The following CSMD1 variants were observed in gnomAD, a reference collection of about 807,000 sequenced individuals.
The protein encoded by CSMD1 is CUB and Sushi multiple domains 1.
CSMD1 carries 213 observed loss-of-function variants against 417.5 expected under a neutral mutation model. That is an observed-to-expected ratio of 0.51 (90% CI 0.46 to 0.57). The LOEUF (loss-of-function observed/expected upper bound fraction) is 0.57. Among genes scored for constraint, CSMD1 ranks in the 20% least tolerant of loss-of-function variants. The pLI is 0.00. For synonymous variants in CSMD1, 2,862 were observed against 1,736.8 expected (o/e 1.65, Z -16.11); for missense variants, 6,923 against 4,529.7 (o/e 1.53, Z -15.17).
intron 33 of CSMD1, among the ~76,000 whole-genome samples, chr8:3,195,004 G>T (rs1273018812): frequency 6.6e-6 from 1 of 152,130 alleles, no homozygotes; most frequent in Non-Finnish European, 1.5e-5. Context: ...TAGAAATATG[G>T]TTTCCTTTTC....
At chr8:3,210,312 C>T (rs542123185) in intron 30 of CSMD1, among the ~76,000 whole-genome samples, 2 of 151,950 alleles carry the variant, frequency 1.3e-5, no homozygotes, top group African/African-American at 2.4e-5. Context: ...GTGTTTCATG[C>T]GCTGTGCTCT....
chr8:4,421,904 AGACT>A (rs912984842), intron 2 of CSMD1, among the ~76,000 whole-genome samples: 1 of 152,124 alleles, frequency 6.6e-6, no homozygotes, highest in Non-Finnish European at 1.5e-5. Context: ...AAATTGAAAA[AGACT>A]GACTAAATAA....
At chr8:3,833,062 T>C (rs1802464465) in intron 5 of CSMD1, among the ~76,000 whole-genome samples, 1 of 152,206 alleles carries the variant, frequency 6.6e-6, no homozygotes, top group Non-Finnish European at 1.5e-5. Flanking sequence ...TCATGGCAGC[T>C]GTTTGAATGT....
chr8:3,817,429 C>T (rs1013241327), intron 5 of CSMD1, among the ~76,000 whole-genome samples: 7 of 151,558 alleles, frequency 4.6e-5, no homozygotes, highest in East Asian at 2.0e-4. Flanking sequence ...TATAGGCGTG[C>T]GCCAACATTC....
At chr8:3,706,576 A>C (rs1458880259) in intron 7 of CSMD1, among the ~76,000 whole-genome samples, 1 of 152,326 alleles carries the variant, frequency 6.6e-6, no homozygotes, top group East Asian at 1.9e-4. Context: ...TGTTCAGATG[A>C]GGACAGAAGA....
chr8:4,093,567 A>G (rs12681816), intron 3 of CSMD1, among the ~76,000 whole-genome samples: 18,619 of 152,238 alleles, frequency 0.12, 1,414 homozygotes, highest in South Asian at 0.33. Flanking sequence ...AGAACACCAC[A>G]TTGAAAAAAA....
intron 3 of CSMD1, among the ~76,000 whole-genome samples, chr8:4,392,641 G>T (rs1319260259): frequency 2.0e-5 from 3 of 151,552 alleles, no homozygotes; most frequent in Non-Finnish European, 4.4e-5. Flanking sequence ...TTTTTTGGGG[G>T]GGAGGGTTAT....
At chr8:3,417,295 C>G (rs770670329) in intron 12 of CSMD1, among the ~76,000 whole-genome samples, 6 of 152,208 alleles carry the variant, frequency 3.9e-5, no homozygotes, top group Non-Finnish European at 8.8e-5. Flanking sequence ...AGAAAACACT[C>G]TGCTGTAGCT....
chr8:3,772,021 G>A (rs1454320627), intron 5 of CSMD1, among the ~76,000 whole-genome samples: 3 of 151,732 alleles, frequency 2.0e-5, no homozygotes, highest in Non-Finnish European at 4.4e-5. Flanking sequence ...CCTTTGAAAT[G>A]GATCTAAAGA....
intron 50 of CSMD1, among the ~76,000 whole-genome samples, chr8:3,048,337 C>A (rs1224079063): frequency 1.3e-5 from 2 of 151,702 alleles, no homozygotes; most frequent in Non-Finnish European, 2.9e-5. Context: ...CTGTCGTAGC[C>A]AAATAAAACG....
intron 42 of CSMD1, among the ~76,000 whole-genome samples, chr8:3,111,357 G>A (rs1816504814): frequency 1.7e-5 from 2 of 114,760 alleles, no homozygotes; most frequent in South Asian, 3.7e-4. Context: ...TTCATCAGAA[G>A]AAGGGACTGT....
At chr8:3,039,458 T>G (rs1417950362) in intron 50 of CSMD1, among the ~76,000 whole-genome samples, 1 of 146,508 alleles carries the variant, frequency 6.8e-6, no homozygotes, top group Non-Finnish European at 1.5e-5. Flanking sequence ...CTTTCCTCCT[T>G]CCTTCCCATT....
At chr8:3,360,126 G>T (rs1188809835) in intron 20 of CSMD1, among the ~76,000 whole-genome samples, 1 of 152,166 alleles carries the variant, frequency 6.6e-6, no homozygotes, top group African/African-American at 2.4e-5. Context: ...CCTCAGTGAG[G>T]AACAGTGGAA....
chr8:4,438,125 TCAGAA>T (rs1305351738), intron 2 of CSMD1, among the ~76,000 whole-genome samples: 2 of 152,158 alleles, frequency 1.3e-5, no homozygotes, highest in African/African-American at 4.8e-5. Flanking sequence ...TACGCTGCAC[TCAGAA>T]AAGAATTGAG....
At chr8:4,833,632 T>A (rs570767829) in intron 1 of CSMD1, among the ~76,000 whole-genome samples, 1 of 152,312 alleles carries the variant, frequency 6.6e-6, no homozygotes, top group Admixed American at 6.5e-5. Flanking sequence ...TGATACTGTA[T>A]CTCTGCAACA....
chr8:4,211,961 GA>G (rs1554495470), intron 3 of CSMD1, among the ~76,000 whole-genome samples: 2 of 152,028 alleles, frequency 1.3e-5, no homozygotes, highest in Non-Finnish European at 2.9e-5. Flanking sequence ...TCCTATCTTA[GA>G]GACATTTTTA....
At position 3,891,014 on chromosome 8, in the gene CSMD1, G is replaced by A. The variant is rs537484841; in HGVS notation, c.818+106889C>T. Among the ~76,000 whole-genome samples, 39 of 151,818 alleles carry A rather than the reference G, an allele frequency of 2.6e-4. No individual in the cohort carries two copies. In the East Asian group the frequency reaches 6.8e-3, roughly 27 times the overall value. On this transcript the variant is annotated intron_variant, in intron 5 of 69. Transcript: ENST00000635120. ...TTTATAGCTAAGGAAAATGAAGGCC[G>A]TGAAATAATTGAGCAGCTTTTTTGT...
Position 4,748,777 on chromosome 8 carries a change from T to C in CSMD1, c.86-111219A>G, listed in dbSNP as rs185989716. Among the ~76,000 whole-genome samples, 389 of 152,356 alleles carry C rather than the reference T, an allele frequency of 2.6e-3. 3 individuals are homozygous for C. The highest frequency in any genetic ancestry group is 8.5e-3 in the African/African-American group (352 of 41,594). The stretch of plus-strand genomic sequence containing the variant: ...ACTTAATTACTGGTTAATTATTGAA[T>C]AGGTATTTAGTAGCGTGTTAGCATC... On this transcript the variant is annotated intron_variant, in intron 1 of 69. Transcript: ENST00000635120.
At chr8:4,360,228 A>G (rs1295584156) in intron 3 of CSMD1, among the ~76,000 whole-genome samples, 1 of 152,074 alleles carries the variant, frequency 6.6e-6, no homozygotes, top group Non-Finnish European at 1.5e-5. Context: ...AACCCTTCTC[A>G]TCTAATGTTG....
Sources: allele counts gnomAD v4.1 joint callset (sites outside exome capture counted in the v4.1 genomes callset), GRCh38; gene constraint gnomAD v4.1.1; transcripts MANE v1.5; gene names NCBI Gene and HGNC (gene_info 2026-07-23, HGNC 2026-07-21).